Variants in IPPK observed in about 807,000 individuals in gnomAD.
IPPK encodes the protein IPK1 homolog.
A neutral mutation model predicts 64.6 loss-of-function variants in IPPK; 22 were observed. The ratio of observed to expected loss-of-function variants is 0.34; its 90% confidence interval spans 0.24 to 0.49. The LOEUF (loss-of-function observed/expected upper bound fraction) is 0.49, where lower values mean the gene tolerates loss of function less well. Among genes scored for constraint, IPPK ranks in the 20% least tolerant of loss-of-function variants. The pLI is 0.99. For missense variants in IPPK, 532 were observed against 630.7 expected (o/e 0.84, Z 1.68); for synonymous variants, 262 against 247.2 (o/e 1.06, Z -0.56).
intron 11 of IPPK, among the ~76,000 whole-genome samples, chr9:92,629,062 T>G (rs1851784938): frequency 6.6e-6 from 1 of 152,240 alleles, no homozygotes; most frequent in East Asian, 1.9e-4. Context: ...CACTTCAGCC[T>G]GTGTGACAGA....
intron 11 of IPPK, among the ~76,000 whole-genome samples, chr9:92,624,295 TG>T (rs1851696007): frequency 6.6e-6 from 1 of 152,052 alleles, no homozygotes; most frequent in Admixed American, 6.5e-5. Context: ...CTGGCCAACA[TG>T]GTGAAACCCC....
rs1189235839 is a variant in IPPK at position 92,616,065 on chromosome 9, T to C, written c.1251-8A>G. ...ACAGGCCTTTGATCAGAGCTGCAAG[T>C]AAAAAGTACCATTTCAGGATACACA... On this transcript the variant is annotated splice_polypyrimidine_tract_variant and splice_region_variant and intron_variant, in intron 12 of 12. Coordinates refer to ENST00000287996, the MANE Select transcript of IPPK (RefSeq NM_022755.6). 6.2e-7 allele frequency: 1 copy of C among 1,603,228 alleles called. No individual in the cohort carries two copies. The highest frequency in any genetic ancestry group is 2.2e-5 in the East Asian group (1 of 44,776).
chr9:92,622,840 G>T (rs904129081), intron 11 of IPPK, among the ~76,000 whole-genome samples: 2 of 152,116 alleles, frequency 1.3e-5, no homozygotes, highest in African/African-American at 4.8e-5. Context: ...TATGCTTGAA[G>T]AAGACAGAAG....
chr9:92,660,581 GAC>G (rs1399844309), intron 1 of IPPK, among the ~76,000 whole-genome samples: 10 of 152,198 alleles, frequency 6.6e-5, no homozygotes, highest in Non-Finnish European at 1.5e-4. Flanking sequence ...GCCAGGCCAA[GAC>G]ACATGAGCTT....
At chr9:92,651,913 G>A (rs755339730) in intron 4 of IPPK, among the ~76,000 whole-genome samples, 2 of 151,990 alleles carry the variant, frequency 1.3e-5, no homozygotes, top group African/African-American at 2.4e-5. Context: ...TTGTTTGTTT[G>A]TTTGTTTTAG....
chr9:92,636,099 C>CTT (rs758873038), intron 9 of IPPK, among the ~76,000 whole-genome samples: 7 of 152,174 alleles, frequency 4.6e-5, no homozygotes, highest in Non-Finnish European at 1.0e-4. Flanking sequence ...TGGGAGGTAC[C>CTT]AAGTCCCAGA....
chr9:92,664,667 G>T (rs1302496401), intron 1 of IPPK, among the ~76,000 whole-genome samples: 1 of 152,214 alleles, frequency 6.6e-6, no homozygotes, highest in African/African-American at 2.4e-5. Context: ...GCTGCCTAGA[G>T]GCCCACAGTG....
chr9:92,613,280 C>A lies in IPPK; in HGVS notation c.*2552G>T. The A allele has an allele frequency of 1.0e-6, 1 of 982,470 alleles. No individual in the cohort carries two copies. The highest frequency in any genetic ancestry group is 1.5e-6 in the Non-Finnish European group (1 of 657,434). The allele number at this position is 982,470 out of a possible 1,614,324, so 60.9% of individuals were successfully genotyped here. A position where few individuals can be genotyped will look rare whatever the true frequency, so the allele number is the denominator to read the frequency against. ...ACGTGCTGTCTATGCAGTTATGGCA[C>A]ATTATATGGAAACTCTCATGACATG... On this transcript the variant is annotated 3_prime_UTR_variant, in exon 13 of 13. Coordinates refer to ENST00000287996, the MANE Select transcript of IPPK (RefSeq NM_022755.6).
chr9:92,652,468 G>T, intron 4 of IPPK, 105 bp downstream of exon 4: 6 of 454,534 alleles, frequency 1.3e-5, no homozygotes, highest in East Asian at 3.7e-5. Context: ...AAAAAAAAAA[G>T]GATTACTGAA....
intron 1 of IPPK, among the ~76,000 whole-genome samples, chr9:92,661,947 C>G (rs1163865310): frequency 1.3e-5 from 2 of 152,198 alleles, no homozygotes; most frequent in African/African-American, 2.4e-5. Flanking sequence ...AGGCAGCTGG[C>G]AGGAAACAGG....
intron 1 of IPPK, among the ~76,000 whole-genome samples, chr9:92,664,019 A>G (rs1446586607): frequency 6.6e-6 from 1 of 152,190 alleles, no homozygotes; most frequent in Non-Finnish European, 1.5e-5. Context: ...CCAAATGTCC[A>G]GTCTCAAGAG....
rs750447562 is a variant in IPPK, at chr9:92,649,417, C to G, written c.414+36G>C. The G allele has an allele frequency of 4.3e-6, 7 of 1,613,000 alleles. No homozygotes were observed. The South Asian group carries it at 6.6e-5, about 15-fold the overall frequency. On this transcript the variant is annotated intron_variant, in intron 5 of 12. Coordinates refer to ENST00000287996, the MANE Select transcript of IPPK (RefSeq NM_022755.6). The stretch of plus-strand genomic sequence containing the variant: ...ACTTACTACCCAAGACTGACCTTTC[C>G]CCTTTACCCACACCATCTGCCCCTC...
chr9:92,635,081 G>A lies in IPPK; in HGVS notation c.1067+77C>T. 7.2e-7 allele frequency: 1 copy of A among 1,385,250 alleles called. No individual in the cohort carries two copies. Among genetic ancestry groups the A allele is most frequent in the Non-Finnish European group, 9.8e-7 (1 of 1,017,002 alleles). The allele number at this position is 1,385,250 out of a possible 1,614,324, so 85.8% of individuals were successfully genotyped here. On this transcript the variant is annotated intron_variant, in intron 10 of 12. Transcript: ENST00000287996. The surrounding 1 kb of genome is among the most constrained non-coding windows in gnomAD (Gnocchi z 4.4). ...TCATCCTCCTGGGAAGCTGTGCCTTGGGAGGCGCATTCTTACCCTGCCCAC... is the reference window on the plus strand; with the variant it reads ...TCATCCTCCTGGGAAGCTGTGCCTTAGGAGGCGCATTCTTACCCTGCCCAC...
chr9:92,613,288 G>A lies in IPPK; in HGVS notation c.*2544C>T. ...TCTATGCAGTTATGGCACATTATAT[G>A]GAAACTCTCATGACATGAAAAATAA... On this transcript the variant is annotated 3_prime_UTR_variant, in exon 13 of 13. Coordinates refer to ENST00000287996, the MANE Select transcript of IPPK (RefSeq NM_022755.6). The A allele has an allele frequency of 1.1e-6, 1 of 900,020 alleles. No homozygotes were observed. The highest frequency in any genetic ancestry group is 1.7e-5 in the South Asian group (1 of 58,720). 55.8% of individuals were successfully genotyped at this position (900,020 alleles called of 1,614,324 possible). A position where few individuals can be genotyped will look rare whatever the true frequency, so the allele number is the denominator to read the frequency against.
At chr9:92,634,567 GC>G in intron 10 of IPPK, 79 bp from the exon 11 acceptor site, 1 of 944,778 alleles carries the variant, frequency 1.1e-6, no homozygotes. Flanking sequence ...AGTCTACAAA[GC>G]CCAGCACCAC....
chr9:92,652,182 G>A (rs1852279509), intron 4 of IPPK, among the ~76,000 whole-genome samples: 2 of 152,044 alleles, frequency 1.3e-5, no homozygotes, highest in South Asian at 4.2e-4. Context: ...GGGCACGGTG[G>A]CTCACGCCTA....
rs777372135 is a variant in IPPK at position 92,615,909 on chromosome 9, G to A, written c.1399C>T (p.Arg467Cys). 3.0e-5 allele frequency: 48 copies of A among 1,614,012 alleles called. No homozygotes were observed. The South Asian group carries it at 3.3e-4, about 11-fold the overall frequency. Residue 467 changes from arginine (R) to cysteine (C), a missense_variant, in exon 13 of 13, where the codon CGT (arginine) becomes TGT (cysteine). Coordinates refer to ENST00000287996, the MANE Select transcript of IPPK (RefSeq NM_022755.6). ...GACATCACGGCGTTGTCTTTGGCACGTACAGTCTTTGAATAATAGTTGACG... is the reference window on the plus strand; with the variant it reads ...GACATCACGGCGTTGTCTTTGGCACATACAGTCTTTGAATAATAGTTGACG... ...KIVNYYSKTVRAKDNAVMSTR... is the reference protein window; with the variant it reads ...KIVNYYSKTVCAKDNAVMSTR...
chr9:92,628,509 C>T (rs1336106345), intron 11 of IPPK, among the ~76,000 whole-genome samples: 1 of 152,174 alleles, frequency 6.6e-6, no homozygotes, highest in Non-Finnish European at 1.5e-5. Flanking sequence ...AGAAATAAAG[C>T]CATACATCTA....
intron 11 of IPPK, among the ~76,000 whole-genome samples, chr9:92,623,135 A>G (rs1851672861): frequency 6.6e-6 from 1 of 152,192 alleles, no homozygotes; most frequent in Non-Finnish European, 1.5e-5. Flanking sequence ...TAAGGACTCC[A>G]TTAAGAATCA....
Sources: gnomAD v4.1 joint callset for allele counts (sites outside exome capture counted in the v4.1 genomes callset) on GRCh38, gnomAD v4.1.1 for gene constraint, Gnocchi (gnomAD v3.1) non-coding constraint, MANE v1.5 for transcripts, NCBI Gene and HGNC (gene_info 2026-07-23, HGNC 2026-07-21) for gene names.